The following DNAJB14 variants were observed in gnomAD, a reference collection of about 807,000 sequenced individuals.
The protein encoded by DNAJB14 is DnaJ heat shock protein family (Hsp40) member B14.
Under a neutral mutation model 48.4 loss-of-function variants are expected in DNAJB14, and 22 were observed. The ratio of observed to expected loss-of-function variants is 0.45; its 90% CI spans 0.32 to 0.65. DNAJB14 has a LOEUF of 0.65. Among genes scored for constraint, DNAJB14 ranks in the 30% least tolerant of loss-of-function variants. The pLI, the probability that DNAJB14 is intolerant of heterozygous loss-of-function variation, is 0.03. For synonymous variants in DNAJB14, 142 were observed against 158.7 expected (o/e 0.89, Z 0.79); for missense variants, 319 against 458.8 (o/e 0.70, Z 2.78).
At chr4:99,905,037 C>T (rs17029640) in intron 6 of DNAJB14, among the ~76,000 whole-genome samples, 1,733 of 151,814 alleles carry the variant, frequency 0.011, 34 homozygotes, top group African/African-American at 0.039. Flanking sequence ...TTTATTCATG[C>T]TGCTATAACA....
intron 3 of DNAJB14, among the ~76,000 whole-genome samples, chr4:99,916,190 G>A (rs889490929): frequency 6.6e-6 from 1 of 152,174 alleles, no homozygotes; most frequent in African/African-American, 2.4e-5. Flanking sequence ...CCCAGCTGGA[G>A]TGCAGTGGCA....
intron 2 of DNAJB14, chr4:99,929,637 TAAAAG>T (rs954459179): frequency 6.6e-6 from 1 of 151,998 alleles, no homozygotes; most frequent in African/African-American, 2.4e-5. Context: ...GAAATAAAAT[TAAAAG>T]AGAAACAGAC....
intron 1 of DNAJB14, among the ~76,000 whole-genome samples, chr4:99,946,207 G>A (rs993580374): frequency 6.6e-6 from 1 of 152,180 alleles, no homozygotes; most frequent in African/African-American, 2.4e-5. Flanking sequence ...GAGCCGGCGG[G>A]CAGGCGGGTG....
At chr4:99,913,570 A>G (rs1560735382) in intron 3 of DNAJB14, among the ~76,000 whole-genome samples, 1 of 145,716 alleles carries the variant, frequency 6.9e-6, no homozygotes, top group Admixed American at 6.8e-5. Context: ...CAAAATTCTG[A>G]TATTTTGTTA....
At chr4:99,906,747 G>T (rs1475156039) in intron 4 of DNAJB14, 136 bp from the exon 5 acceptor site, 2 of 647,322 alleles carry the variant, frequency 3.1e-6, no homozygotes, top group Non-Finnish European at 5.2e-6. Context: ...AATACTTATT[G>T]CCCTCTCCTC....
chr4:99,907,708 C>G (rs967276680), intron 4 of DNAJB14, among the ~76,000 whole-genome samples: 5 of 152,000 alleles, frequency 3.3e-5, no homozygotes, highest in African/African-American at 1.2e-4. Context: ...TGACCACAAC[C>G]TTTCTCAATA....
Position 99,908,880 on chromosome 4 carries a change from A to C in DNAJB14, c.468T>G (p.Tyr156Ter), listed in dbSNP as rs1338750377. 1 of 1,573,886 alleles carries C rather than the reference A, an allele frequency of 6.4e-7. No individual in the cohort carries two copies. Among genetic ancestry groups the C allele is most frequent in the Non-Finnish European group, 8.6e-7 (1 of 1,163,790 alleles). Residue 156 changes from tyrosine to a stop codon, truncating the protein, a stop_gained, in exon 4 of 8, where the codon TAT becomes TAG. Transcript: ENST00000442697. LOFTEE classifies it high-confidence loss of function. ...TDAFKKIGNAYAVLSNPEKRK... is the reference protein window; with the variant it reads ...TDAFKKIGNA Reference sequence around the variant, plus strand: ...GCTTTTCTGGATTACTTAAAACAGCATAAGCATTTCCAATCTCTGAAAAAG... The same window carrying C: ...GCTTTTCTGGATTACTTAAAACAGCCTAAGCATTTCCAATCTCTGAAAAAG...
intron 3 of DNAJB14, among the ~76,000 whole-genome samples, chr4:99,920,595 T>A (rs1045326861): frequency 2.0e-5 from 3 of 152,242 alleles, no homozygotes; most frequent in Admixed American, 6.5e-5. Context: ...AATATTTTTT[T>A]AAAATATGTT....
At chr4:99,930,803 T>C (rs994966780) in intron 1 of DNAJB14, among the ~76,000 whole-genome samples, 182 bp from the exon 2 acceptor site, 3 of 152,210 alleles carry the variant, frequency 2.0e-5, no homozygotes, top group Non-Finnish European at 4.4e-5. Context: ...CTAATCACCA[T>C]CTAGAAGTAG....
chr4:99,922,698 T>C (rs1232534593), intron 3 of DNAJB14: 4 of 162,532 alleles, frequency 2.5e-5, no homozygotes, highest in Admixed American at 6.4e-5. Flanking sequence ...AAAAAAACTA[T>C]ATTTTGCTTT....
intron 1 of DNAJB14, among the ~76,000 whole-genome samples, chr4:99,938,343 CT>C (rs200523338): frequency 3.6e-3 from 432 of 120,056 alleles, no homozygotes; most frequent in Middle Eastern, 8.5e-3. Context: ...TGGACATGTG[CT>C]TTTTTTTTTT....
chr4:99,908,904 A>G lies in DNAJB14; in HGVS notation c.452-8T>C, dbSNP rs1053760022. On this transcript the variant is annotated splice_region_variant and splice_polypyrimidine_tract_variant and intron_variant, in intron 3 of 7. Transcript: ENST00000442697. Reference sequence around the variant, plus strand: ...CATAAGCATTTCCAATCTCTGAAAAAGTAATGAGTAAAAGTTGGTAAGCAA... The same window carrying G: ...CATAAGCATTTCCAATCTCTGAAAAGGTAATGAGTAAAAGTTGGTAAGCAA... 9.1e-6 allele frequency: 14 copies of G among 1,533,038 alleles called. No homozygotes were observed. The highest frequency in any genetic ancestry group is 6.5e-5 in the Admixed American group (3 of 46,370). 95.0% of individuals were successfully genotyped at this position (1,533,038 alleles called of 1,614,324 possible).
At chr4:99,940,111 T>C (rs763292730) in intron 1 of DNAJB14, among the ~76,000 whole-genome samples, 3 of 152,202 alleles carry the variant, frequency 2.0e-5, no homozygotes, top group Admixed American at 6.5e-5. Context: ...ATGTTGATAA[T>C]CCAAAAAGGA....
At chr4:99,914,687 A>C (rs1212760841) in intron 3 of DNAJB14, among the ~76,000 whole-genome samples, 2 of 152,102 alleles carry the variant, frequency 1.3e-5, no homozygotes, top group South Asian at 2.1e-4. Context: ...AAAATTAAAA[A>C]ATTTCAATAT....
intron 5 of DNAJB14, chr4:99,906,239 AACAATAACAAGTT>A: frequency 1.5e-6 from 2 of 1,319,152 alleles, no homozygotes; most frequent in Non-Finnish European, 2.0e-6. Flanking sequence ...CTTCAGGGCC[AACAATAACAAGTT>A]ACCTTCACAA....
rs868690870 is a variant in DNAJB14, at chr4:99,896,419, A to G, written c.*4609T>C. 2 of 152,232 alleles carry G rather than the reference A, an allele frequency of 1.3e-5. No individual in the cohort carries two copies. Among genetic ancestry groups the G allele is most frequent in the Middle Eastern group, 3.2e-3 (1 of 316 alleles). The allele number at this position is 152,232 out of a possible 1,614,324, so 9.4% of individuals were successfully genotyped here. ...ACATTAAATATTTTACAAATCAGAC[A>G]TTTCATTTTGAAATCTAATTTTTAA... On this transcript the variant is annotated 3_prime_UTR_variant, in exon 8 of 8. Coordinates refer to ENST00000442697, the MANE Select transcript of DNAJB14 (RefSeq NM_001031723.4).
At chr4:99,938,569 T>TAGAAAG (rs894405103) in intron 1 of DNAJB14, among the ~76,000 whole-genome samples, 2 of 151,560 alleles carry the variant, frequency 1.3e-5, no homozygotes, top group South Asian at 2.1e-4. Context: ...TGTGTGTGTG[T>TAGAAAG]AGAAAGAGAA....
chr4:99,909,739 T>C (rs958275731), intron 3 of DNAJB14, among the ~76,000 whole-genome samples: 1 of 151,958 alleles, frequency 6.6e-6, no homozygotes, highest in African/African-American at 2.4e-5. Flanking sequence ...GAAAAAGAAA[T>C]GAGTAAAAGT....
chr4:99,924,684 G>T, intron 2 of DNAJB14: 1 of 1,587,542 alleles, frequency 6.3e-7, no homozygotes, highest in South Asian at 1.1e-5. Flanking sequence ...CCTGTGTAGA[G>T]ACTCATTCTC....
Sources: allele counts gnomAD v4.1 joint callset (sites outside exome capture counted in the v4.1 genomes callset), GRCh38; gene constraint gnomAD v4.1.1; transcripts MANE v1.5; gene names NCBI Gene and HGNC (gene_info 2026-07-23, HGNC 2026-07-21).